The following PDE4D variants were observed in gnomAD, a reference collection of about 807,000 sequenced individuals.
The protein encoded by PDE4D is 3',5'-cyclic-AMP phosphodiesterase 4D.
PDE4D carries 24 observed loss-of-function variants against 87.4 expected under a neutral mutation model. That is an observed-to-expected ratio of 0.27 (90% CI 0.20 to 0.39). The LOEUF (loss-of-function observed/expected upper bound fraction) is 0.39. Ranked by LOEUF, PDE4D falls within the 10% of genes least tolerant of loss-of-function variation. The pLI, the probability that PDE4D is intolerant of heterozygous loss-of-function variation, is 1.00. For missense variants in PDE4D, 714 were observed against 1,041.0 expected, an observed-to-expected ratio of 0.69 and a Z score of 4.32; for synonymous variants, 384 against 383.2, an observed-to-expected ratio of 1.00 and a Z score of -0.02.
At chr5:60,388,822 T>C (rs944547542) in intron 1 of PDE4D, among the ~76,000 whole-genome samples, 6 of 152,286 alleles carry the variant, frequency 3.9e-5, no homozygotes, top group Middle Eastern at 6.8e-3. Flanking sequence ...CCAGGAACCA[T>C]GGATGAAAAC....
chr5:59,846,404 C>A (rs1743853503), intron 1 of PDE4D, among the ~76,000 whole-genome samples: 1 of 152,164 alleles, frequency 6.6e-6, no homozygotes, highest in Non-Finnish European at 1.5e-5. Flanking sequence ...TTCATAAAAA[C>A]CACCCGGGAT....
At chr5:60,394,035 A>C (rs1762722600) in intron 1 of PDE4D, among the ~76,000 whole-genome samples, 1 of 152,314 alleles carries the variant, frequency 6.6e-6, no homozygotes, top group Non-Finnish European at 1.5e-5. Flanking sequence ...TTAAGTGCTC[A>C]ATAAAGCTCT....
intron 1 of PDE4D, among the ~76,000 whole-genome samples, chr5:59,418,128 C>A (rs1441234281): frequency 2.0e-5 from 3 of 152,146 alleles, no homozygotes; most frequent in African/African-American, 4.8e-5. Flanking sequence ...TTCTGGTATT[C>A]CAAGGTGTGT....
chr5:59,968,109 C>T (rs1285289071), intron 3 of PDE4D, among the ~76,000 whole-genome samples: 5 of 151,042 alleles, frequency 3.3e-5, no homozygotes, highest in Middle Eastern at 3.2e-3. Flanking sequence ...TTTAGCCTCC[C>T]GAGTAGCTGG....
intron 1 of PDE4D, among the ~76,000 whole-genome samples, chr5:60,496,997 A>G (rs1376314575): frequency 6.6e-6 from 1 of 152,228 alleles, no homozygotes; most frequent in East Asian, 1.9e-4. Flanking sequence ...AATTTACTAT[A>G]CCAGTTCTCT....
intron 1 of PDE4D, among the ~76,000 whole-genome samples, chr5:59,725,582 A>G (rs1271272607): frequency 6.6e-6 from 1 of 152,126 alleles, no homozygotes; most frequent in Non-Finnish European, 1.5e-5. Flanking sequence ...AACTATTAAG[A>G]TCAATGGAAT....
intron 5 of PDE4D, among the ~76,000 whole-genome samples, chr5:59,079,848 G>GGGAGAGGAGAGGAGAGGAGA (rs36226812): frequency 2.2e-4 from 22 of 97,962 alleles, no homozygotes; most frequent in Non-Finnish European, 8.2e-5. Context: ...GGGAGAGGAG[G>GGGAGAGGAGAGGAGAGGAGA]GGAGAGGAGA....
chr5:59,748,812 CA>C (rs996190039), intron 1 of PDE4D, among the ~76,000 whole-genome samples: 3 of 151,816 alleles, frequency 2.0e-5, no homozygotes, highest in Admixed American at 6.6e-5. Context: ...AAAACAACAA[CA>C]AAAAAAAGAA....
intron 2 of PDE4D, among the ~76,000 whole-genome samples, chr5:60,038,217 G>A (rs1204559275): frequency 6.6e-6 from 1 of 152,096 alleles, no homozygotes; most frequent in African/African-American, 2.4e-5. Context: ...TGTCCTGAAT[G>A]GTAATGTCTA....
intron 1 of PDE4D, among the ~76,000 whole-genome samples, chr5:59,232,366 C>G (rs1215101598): frequency 1.3e-5 from 2 of 151,908 alleles, no homozygotes; most frequent in Non-Finnish European, 2.9e-5. Context: ...AAAAAGTGGA[C>G]AAAGGACATG....
In PDE4D at chr5:60,313,242, A is replaced by G. The variant is rs192276891; in HGVS notation, c.-89-127555T>C. Among the ~76,000 whole-genome samples, 671 of 152,300 alleles carry G rather than the reference A, an allele frequency of 4.4e-3. 1 individual carries two copies. The highest frequency in any genetic ancestry group is 0.016 in the African/African-American group (650 of 41,560). Reference sequence around the variant, plus strand: ...AAATAAACAAAATCAGAAATGGTAAAGGGGATATTACCATCGACCCAACAG... The same window carrying G: ...AAATAAACAAAATCAGAAATGGTAAGGGGGATATTACCATCGACCCAACAG... On this transcript the variant is annotated intron_variant, in intron 1 of 16. Transcript: ENST00000502484.
At chr5:59,909,503 C>T (rs1561848716) in intron 3 of PDE4D, among the ~76,000 whole-genome samples, 1 of 152,064 alleles carries the variant, frequency 6.6e-6, no homozygotes. Context: ...TCAATCGATC[C>T]TCCCACTTCA....
chr5:59,640,795 A>AAAC (rs765627326), intron 1 of PDE4D, among the ~76,000 whole-genome samples: 12 of 152,206 alleles, frequency 7.9e-5, no homozygotes, highest in Admixed American at 1.3e-4. Flanking sequence ...CACAGAAAAC[A>AAAC]AACAACAACA....
At chr5:59,272,748 G>A (rs971381206) in intron 1 of PDE4D, among the ~76,000 whole-genome samples, 2 of 152,044 alleles carry the variant, frequency 1.3e-5, no homozygotes, top group African/African-American at 4.8e-5. Flanking sequence ...ATAACAGGCT[G>A]ACCTTTAATA....
At chr5:60,075,758 G>A (rs1773216942) in intron 2 of PDE4D, among the ~76,000 whole-genome samples, 1 of 152,000 alleles carries the variant, frequency 6.6e-6, no homozygotes, top group Admixed American at 6.6e-5. Flanking sequence ...CAGAAAGCCA[G>A]TCTTCAAGCT....
At chr5:60,436,814 A>G (rs1385911730) in intron 1 of PDE4D, among the ~76,000 whole-genome samples, 2 of 152,104 alleles carry the variant, frequency 1.3e-5, no homozygotes, top group Admixed American at 6.6e-5. Context: ...AATGGGCTAA[A>G]TAACGGGAAA....
intron 3 of PDE4D, among the ~76,000 whole-genome samples, chr5:59,899,626 A>C (rs1752021540): frequency 6.6e-6 from 1 of 152,134 alleles, no homozygotes; most frequent in South Asian, 2.1e-4. Flanking sequence ...CAAATTAAGA[A>C]GTTGGAGTGT....
chr5:59,803,091 G>A (rs746821985), intron 1 of PDE4D, among the ~76,000 whole-genome samples: 1 of 152,044 alleles, frequency 6.6e-6, no homozygotes, highest in Non-Finnish European at 1.5e-5. Flanking sequence ...GTTTAAAAAC[G>A]TAAATGCATG....
At chr5:59,750,083 C>CTTTTT (rs1251524921) in intron 1 of PDE4D, among the ~76,000 whole-genome samples, 7 of 116,436 alleles carry the variant, frequency 6.0e-5, no homozygotes, top group African/African-American at 2.1e-4. Flanking sequence ...AGAATTATGA[C>CTTTTT]CTTTTTTTTT....
Sources: allele counts gnomAD v4.1 joint callset (sites outside exome capture counted in the v4.1 genomes callset), GRCh38; gene constraint gnomAD v4.1.1; transcripts MANE v1.5; gene names NCBI Gene and HGNC (gene_info 2026-07-23, HGNC 2026-07-21).